The following MTSS1 variants were observed in gnomAD, a reference collection of about 807,000 sequenced individuals.
MTSS1 encodes MTSS I-BAR domain containing 1, also known as protein MTSS 1.
Under a neutral mutation model 79.0 loss-of-function variants are expected in MTSS1, and 18 were observed. The observed-to-expected ratio is 0.23, with a 90% confidence interval of 0.16 to 0.34. The LOEUF (loss-of-function observed/expected upper bound fraction) is 0.34. Among genes scored for constraint, MTSS1 ranks in the 10% least tolerant of loss-of-function variants. The pLI is 1.00. For missense variants in MTSS1, 815 were observed against 986.2 expected, an observed-to-expected ratio of 0.83 and a Z score of 2.33; for synonymous variants, 341 against 368.6, an observed-to-expected ratio of 0.93 and a Z score of 0.86.
chr8:124,602,347 G>A (rs758752986), intron 3 of MTSS1, among the ~76,000 whole-genome samples: 2 of 151,548 alleles, frequency 1.3e-5, no homozygotes, highest in Non-Finnish European at 2.9e-5. Context: ...CTACAAGTGT[G>A]CACTACTACA....
At chr8:124,628,999 G>A (rs749235704) in intron 3 of MTSS1, among the ~76,000 whole-genome samples, 1 of 152,116 alleles carries the variant, frequency 6.6e-6, no homozygotes, top group African/African-American at 2.4e-5. Context: ...GAGGGTCCTT[G>A]GGGCAGGAGG....
chr8:124,717,312 C>T (rs528818089), intron 1 of MTSS1, among the ~76,000 whole-genome samples: 1 of 150,892 alleles, frequency 6.6e-6, no homozygotes, highest in Non-Finnish European at 1.5e-5. Flanking sequence ...GCCAACATGA[C>T]AAAACCCCAT....
At chr8:124,679,060 T>C (rs912006703) in intron 3 of MTSS1, among the ~76,000 whole-genome samples, 1 of 152,218 alleles carries the variant, frequency 6.6e-6, no homozygotes, top group Non-Finnish European at 1.5e-5. Flanking sequence ...TATTCAGAAG[T>C]TCTCTGGTCC....
At chr8:124,637,281 C>T (rs546372318) in intron 3 of MTSS1, among the ~76,000 whole-genome samples, 4 of 152,276 alleles carry the variant, frequency 2.6e-5, no homozygotes, top group South Asian at 2.1e-4. Flanking sequence ...CAACCTTATT[C>T]GGTGAAAGGG....
chr8:124,589,600 T>C lies in MTSS1; in HGVS notation c.385+20A>G. ...CGCCCCCCAGCGTGCAGTGATGCGC[T>C]AGACATCTCGCCCCTGTACCTTTTG... On this transcript the variant is annotated intron_variant, in intron 5 of 13. Coordinates refer to ENST00000518547, the MANE Select transcript of MTSS1 (RefSeq NM_014751.6). 1 of 1,600,666 alleles carries C rather than the reference T, an allele frequency of 6.2e-7. No homozygotes were observed. Among genetic ancestry groups the C allele is most frequent in the Non-Finnish European group, 8.5e-7 (1 of 1,171,800 alleles).
At chr8:124,708,708 G>C (rs982083404) in intron 1 of MTSS1, among the ~76,000 whole-genome samples, 4 of 152,160 alleles carry the variant, frequency 2.6e-5, no homozygotes, top group Non-Finnish European at 1.5e-5. Flanking sequence ...AAAAGGAGGG[G>C]TCCCCTTTCT....
chr8:124,602,870 T>C (rs755735824), intron 3 of MTSS1, among the ~76,000 whole-genome samples: 5 of 152,204 alleles, frequency 3.3e-5, no homozygotes, highest in Non-Finnish European at 7.3e-5. Context: ...GGTCTAATTA[T>C]TGTGCTACGA....
intron 3 of MTSS1, among the ~76,000 whole-genome samples, chr8:124,677,313 G>C (rs1024109363): frequency 6.6e-6 from 1 of 152,096 alleles, no homozygotes; most frequent in African/African-American, 2.4e-5. Flanking sequence ...AGGGTACTTT[G>C]CTTTAAAGTG....
rs78302827 is a variant in MTSS1, at chr8:124,615,047, C to T, written c.209-23812G>A. On this transcript the variant is annotated intron_variant, in intron 3 of 13. Coordinates refer to ENST00000518547, the MANE Select transcript of MTSS1 (RefSeq NM_014751.6). ...GGTTCCAGAAGGCGGGAAGATGCAG[C>T]GTTCCAGATGAACAGAAGAGCACGT... is the stretch of plus-strand genomic sequence containing the variant. Among the ~76,000 whole-genome samples the T allele has an allele frequency of 2.6e-5, 4 of 152,266 alleles. No homozygotes were observed. In the South Asian group the frequency reaches 6.2e-4, roughly 24 times the overall value.
At position 124,558,833 on chromosome 8, in the gene MTSS1, C is replaced by T. The variant is rs749978859; in HGVS notation, c.1036-958G>A. The T allele has an allele frequency of 3.2e-6, 5 of 1,556,262 alleles. No individual in the cohort carries two copies. The African/African-American group carries it at 6.8e-5, about 21-fold the overall frequency. ...CGGAGGAGGCCGAGCTGGACGAGTTCTGCAGCAGGGGAGGGGCCACACGAG... is the reference window on the plus strand; with the variant it reads ...CGGAGGAGGCCGAGCTGGACGAGTTTTGCAGCAGGGGAGGGGCCACACGAG... On this transcript the variant is annotated intron_variant, in intron 10 of 13. Coordinates refer to ENST00000518547, the MANE Select transcript of MTSS1 (RefSeq NM_014751.6).
intron 1 of MTSS1, among the ~76,000 whole-genome samples, chr8:124,714,928 A>G (rs1270224754): frequency 6.6e-6 from 1 of 152,290 alleles, no homozygotes; most frequent in East Asian, 1.9e-4. Flanking sequence ...AGAATAATAC[A>G]TATCTACCCT....
intron 3 of MTSS1, among the ~76,000 whole-genome samples, chr8:124,596,596 G>GTATT (rs1832809171): frequency 6.6e-6 from 1 of 152,200 alleles, no homozygotes; most frequent in Admixed American, 6.5e-5. Context: ...CGTCCACTGA[G>GTATT]TATTTGTATT....
chr8:124,601,531 A>G (rs1307161591), intron 3 of MTSS1, among the ~76,000 whole-genome samples: 2 of 152,206 alleles, frequency 1.3e-5, no homozygotes, highest in Non-Finnish European at 2.9e-5. Flanking sequence ...GGCAGGTTGT[A>G]ATATTTTAGT....
chr8:124,660,245 T>G (rs1821748787), intron 3 of MTSS1, among the ~76,000 whole-genome samples: 1 of 152,032 alleles, frequency 6.6e-6, no homozygotes, highest in East Asian at 1.9e-4. Context: ...GAGTTAGGAA[T>G]CAGAAAAGCA....
Position 124,553,004 on chromosome 8 carries a change from A to T in MTSS1, c.2256T>A (p.Pro752=). 5 of 1,611,824 alleles carry T rather than the reference A, an allele frequency of 3.1e-6. No individual in the cohort carries two copies. Among genetic ancestry groups the T allele is most frequent in the Non-Finnish European group, 4.2e-6 (5 of 1,178,080 alleles). ...KKTTTNDRSA[P]RFS ...ATTTCTTGTGAACCTAAGAAAAGCG[A>T]GGGGCTGAGCGATCGTTTGTCGTGG... Residue 752 remains proline (P), a synonymous_variant, in exon 14 of 14, where the codon CCT becomes CCA. Coordinates refer to ENST00000518547, the MANE Select transcript of MTSS1 (RefSeq NM_014751.6). This position sits in a 1 kb window ranked among gnomAD's most constrained non-coding sequence, Gnocchi z 6.0.
chr8:124,666,377 T>C (rs2134503935), intron 3 of MTSS1, among the ~76,000 whole-genome samples: 1 of 152,364 alleles, frequency 6.6e-6, no homozygotes, highest in East Asian at 1.9e-4. Flanking sequence ...TCTGGTAATG[T>C]GCTGTACAAG....
intron 3 of MTSS1, among the ~76,000 whole-genome samples, chr8:124,690,616 C>T (rs1277109437): frequency 2.6e-5 from 4 of 152,136 alleles, no homozygotes; most frequent in African/African-American, 9.7e-5. Flanking sequence ...CTGCTGCTAC[C>T]CAACCAAAGA....
intron 6 of MTSS1, chr8:124,580,566 G>C (rs1360166918): frequency 6.5e-7 from 1 of 1,535,920 alleles, no homozygotes; most frequent in Non-Finnish European, 8.7e-7. Flanking sequence ...GTGTCCACTG[G>C]CGGGGGGGCA....
intron 1 of MTSS1, among the ~76,000 whole-genome samples, chr8:124,719,743 T>C (rs954073690): frequency 6.6e-6 from 1 of 152,246 alleles, no homozygotes; most frequent in Non-Finnish European, 1.5e-5. Flanking sequence ...CTTTGAAACA[T>C]CTGAGTGCCA....
Sources: allele counts gnomAD v4.1 joint callset (sites outside exome capture counted in the v4.1 genomes callset), GRCh38; gene constraint gnomAD v4.1.1; non-coding constraint Gnocchi (gnomAD v3.1); transcripts MANE v1.5; gene names NCBI Gene and HGNC (gene_info 2026-07-23, HGNC 2026-07-21).